Variants in MBNL2 observed in about 807,000 individuals in gnomAD.
The protein encoded by MBNL2 is muscleblind like splicing regulator 2.
A neutral mutation model predicts 41.9 loss-of-function variants in MBNL2; 17 were observed. The ratio of observed to expected loss-of-function variants is 0.41; its 90% confidence interval spans 0.28 to 0.61. The LOEUF is 0.61. Among genes scored for constraint, MBNL2 ranks in the 20% least tolerant of loss-of-function variants. The pLI, the probability that MBNL2 is intolerant of heterozygous loss-of-function variation, is 0.35. For missense variants in MBNL2, 336 were observed against 505.6 expected, an observed-to-expected ratio of 0.66 and a Z score of 3.22; for synonymous variants, 195 against 182.9, an observed-to-expected ratio of 1.07 and a Z score of -0.53.
the MBNL2 span, among the ~76,000 whole-genome samples, chr13:97,191,926 C>A: frequency 6.6e-6 from 1 of 152,192 alleles, no homozygotes; most frequent in East Asian, 1.9e-4. Context: ...ATCGAACATG[C>A]CTCTATACAG....
intron 3 of MBNL2, among the ~76,000 whole-genome samples, chr13:97,337,718 C>A (rs1056762243): frequency 6.6e-6 from 1 of 152,168 alleles, no homozygotes; most frequent in Non-Finnish European, 1.5e-5. Context: ...TATCAACTGG[C>A]AATCGAAAAC....
At position 97,265,579 on chromosome 13, in the gene MBNL2, TTC is replaced by T. The variant is rs551553911; in HGVS notation, c.-604-10051_-604-10050del. On this transcript the variant is annotated intron_variant, in intron 1 of 8. Coordinates refer to ENST00000679496, the MANE Select transcript of MBNL2 (RefSeq NM_001382683.1). ...CCTTCAGAGAAAGAGCCTTTCTACT[TTC>T]TTTTACTTATACTTCGTTGACTTTG... 4.7e-4 allele frequency among the ~76,000 whole-genome samples: 72 copies of T among 152,314 alleles called. 2 individuals carry two copies. Among genetic ancestry groups the T allele is most frequent in the African/African-American group, 1.7e-3 (70 of 41,574 alleles).
chr13:97,177,363 G>A, the MBNL2 span, among the ~76,000 whole-genome samples: 246 of 152,178 alleles, frequency 1.6e-3, 1 homozygote, highest in Middle Eastern at 3.4e-3. Context: ...AGAAATAAGA[G>A]AAGCTTTTGC....
At chr13:97,152,325 A>G in the MBNL2 span, among the ~76,000 whole-genome samples, 1 of 152,192 alleles carries the variant, frequency 6.6e-6, no homozygotes, top group Non-Finnish European at 1.5e-5. Context: ...AGAAGGCTTA[A>G]AATCAAATGA....
At chr13:97,291,632 C>G (rs1360307724) in intron 2 of MBNL2, among the ~76,000 whole-genome samples, 3 of 152,112 alleles carry the variant, frequency 2.0e-5, no homozygotes, top group Non-Finnish European at 4.4e-5. Flanking sequence ...CGGTGGCTCA[C>G]GCCTATAATC....
chr13:97,359,037 A>G (rs1285555507), intron 7 of MBNL2, among the ~76,000 whole-genome samples: 1 of 152,214 alleles, frequency 6.6e-6, no homozygotes, highest in Admixed American at 6.5e-5. Context: ...TTAAACTCAC[A>G]GACTTGTAGA....
chr13:97,316,377 C>T (rs1303186945), intron 2 of MBNL2, among the ~76,000 whole-genome samples: 1 of 152,216 alleles, frequency 6.6e-6, no homozygotes, highest in African/African-American at 2.4e-5. Context: ...ACACAGTAGC[C>T]AGAGCCATCC....
chr13:97,259,296 A>G (rs1487411338), intron 1 of MBNL2, among the ~76,000 whole-genome samples: 2 of 152,158 alleles, frequency 1.3e-5, no homozygotes, highest in Non-Finnish European at 2.9e-5. Flanking sequence ...GAGAACATGT[A>G]AAGAAGAAGA....
At chr13:97,328,090 G>A (rs970779430) in intron 2 of MBNL2, among the ~76,000 whole-genome samples, 2 of 151,786 alleles carry the variant, frequency 1.3e-5, no homozygotes, top group African/African-American at 4.8e-5. Context: ...AAGCCACAAG[G>A]TCCCACTTGC....
chr13:97,276,599 G>A (rs1049675587), intron 2 of MBNL2, among the ~76,000 whole-genome samples, 190 bp downstream of exon 2: 1 of 152,038 alleles, frequency 6.6e-6, no homozygotes, highest in Non-Finnish European at 1.5e-5. Context: ...ACATACCCAT[G>A]TTTAAATTAA....
intron 2 of MBNL2, among the ~76,000 whole-genome samples, chr13:97,292,194 C>G (rs1460394115): frequency 7.5e-6 from 1 of 134,214 alleles, no homozygotes; most frequent in Non-Finnish European, 1.5e-5. Context: ...GAGCCAGACT[C>G]CATCTCAAAA....
At chr13:97,185,989 T>A in the MBNL2 span, among the ~76,000 whole-genome samples, 19 of 152,196 alleles carry the variant, frequency 1.2e-4, no homozygotes, top group Non-Finnish European at 2.4e-4. Flanking sequence ...ATGCCTGGGC[T>A]TTTTCTCTAT....
chr13:97,325,031 G>A (rs1043624597), intron 2 of MBNL2, among the ~76,000 whole-genome samples: 3 of 152,068 alleles, frequency 2.0e-5, no homozygotes, highest in African/African-American at 7.2e-5. Flanking sequence ...GACACACCTA[G>A]GAACAATACT....
At chr13:97,187,594 A>T in the MBNL2 span, among the ~76,000 whole-genome samples, 26 of 10,466 alleles carry the variant, frequency 2.5e-3, no homozygotes, top group Non-Finnish European at 1.8e-3. Flanking sequence ...TATGCAGCTT[A>T]AAAAAAAAAA....
At chr13:97,292,200 CAAAAAA>C (rs34473435) in intron 2 of MBNL2, among the ~76,000 whole-genome samples, 3 of 69,504 alleles carry the variant, frequency 4.3e-5, no homozygotes, top group Admixed American at 3.2e-4. Flanking sequence ...GACTCCATCT[CAAAAAA>C]AAAAAAAAAA....
intron 1 of MBNL2, among the ~76,000 whole-genome samples, chr13:97,269,363 T>C (rs892665299): frequency 1.3e-5 from 2 of 152,142 alleles, no homozygotes; most frequent in African/African-American, 4.8e-5. Context: ...AATGCCGTTA[T>C]ACATGGAATC....
chr13:97,232,146 C>T (rs949604634), intron 1 of MBNL2, among the ~76,000 whole-genome samples: 3 of 152,142 alleles, frequency 2.0e-5, no homozygotes, highest in Admixed American at 1.3e-4. Flanking sequence ...AAGTGAAATG[C>T]CCAGGCCTGA....
At chr13:97,370,953 A>G (rs1049659655) in intron 8 of MBNL2, among the ~76,000 whole-genome samples, 24 of 152,316 alleles carry the variant, frequency 1.6e-4, no homozygotes, top group African/African-American at 5.5e-4. Context: ...TCCATTGACC[A>G]AGGACCAGAA....
chr13:97,342,009 G>C (rs1172526840), intron 3 of MBNL2, among the ~76,000 whole-genome samples: 1 of 152,106 alleles, frequency 6.6e-6, no homozygotes, highest in South Asian at 2.1e-4. Context: ...AAATCAAATA[G>C]GTTAAAAATC....
Sources: allele counts gnomAD v4.1 joint callset (sites outside exome capture counted in the v4.1 genomes callset), GRCh38; gene constraint gnomAD v4.1.1; transcripts MANE v1.5; gene names NCBI Gene and HGNC (gene_info 2026-07-23, HGNC 2026-07-21).